Variants in PLCB4 observed in about 807,000 individuals in gnomAD.
PLCB4 encodes the protein 1-phosphatidylinositol 4,5-bisphosphate phosphodiesterase beta-4.
PLCB4 carries 77 observed loss-of-function variants against 178.8 expected under a neutral mutation model. That is an observed-to-expected ratio of 0.43 (90% CI 0.36 to 0.52). The LOEUF (loss-of-function observed/expected upper bound fraction) is 0.52. Among genes scored for constraint, PLCB4 ranks in the 20% least tolerant of loss-of-function variants. The pLI is 0.00. For synonymous variants in PLCB4, 496 were observed against 490.8 expected (o/e 1.01, Z -0.14); for missense variants, 1,024 against 1,453.4 (o/e 0.70, Z 4.80).
chr20:9,458,323 C>G (rs547472084), intron 34 of PLCB4, among the ~76,000 whole-genome samples: 2 of 152,286 alleles, frequency 1.3e-5, no homozygotes, highest in East Asian at 1.9e-4. Context: ...GAGTTATTCC[C>G]CACTCTCTCT....
chr20:9,229,258 T>G (rs986871221), intron 3 of PLCB4, among the ~76,000 whole-genome samples: 11 of 152,186 alleles, frequency 7.2e-5, no homozygotes, highest in Admixed American at 7.2e-4. Flanking sequence ...GTGGAAGGAC[T>G]AGCAACACTA....
At chr20:9,081,768 C>CAAAAAAAAAAA (rs10629831) in intron 1 of PLCB4, among the ~76,000 whole-genome samples, 6 of 90,460 alleles carry the variant, frequency 6.6e-5, no homozygotes, top group Admixed American at 1.4e-4. Flanking sequence ...GATGATTAAG[C>CAAAAAAAAAAA]AAAAAAAAAA....
chr20:9,118,348 A>T (rs6516436), intron 2 of PLCB4, among the ~76,000 whole-genome samples: 92,136 of 149,032 alleles, frequency 0.62, 29,538 homozygotes, highest in Middle Eastern at 0.77. Flanking sequence ...AGAACAGAGC[A>T]ACGGTAAGTG....
intron 28 of PLCB4, among the ~76,000 whole-genome samples, chr20:9,428,499 A>G (rs539496326): frequency 1.3e-5 from 2 of 151,862 alleles, no homozygotes; most frequent in Admixed American, 6.5e-5. Context: ...GCATTTCCCA[A>G]TCTTATTTGA....
At chr20:9,366,144 C>G (rs1451852969) in intron 9 of PLCB4, among the ~76,000 whole-genome samples, 1 of 152,056 alleles carries the variant, frequency 6.6e-6, no homozygotes, top group Non-Finnish European at 1.5e-5. Context: ...AATCCCAGCA[C>G]TTTGGGAGGC....
At chr20:9,237,209 A>T (rs1020935959) in intron 3 of PLCB4, among the ~76,000 whole-genome samples, 1 of 152,164 alleles carries the variant, frequency 6.6e-6, no homozygotes, top group Non-Finnish European at 1.5e-5. Context: ...TATGTAGGAT[A>T]CCCATATCAC....
intron 3 of PLCB4, among the ~76,000 whole-genome samples, chr20:9,264,052 T>C (rs1321840673): frequency 6.6e-6 from 1 of 152,220 alleles, no homozygotes; most frequent in East Asian, 1.9e-4. Flanking sequence ...CTTTGTGGGC[T>C]AAATAACAAG....
Position 9,363,609 on chromosome 20 carries a change from T to C in PLCB4, c.449+634T>C, listed in dbSNP as rs574614870. Among the ~76,000 whole-genome samples, 9 of 152,206 alleles carry C rather than the reference T, an allele frequency of 5.9e-5. No homozygotes were observed. In the South Asian group the frequency reaches 1.0e-3, roughly 18 times the overall value. On this transcript the variant is annotated intron_variant, in intron 8 of 39. Transcript: ENST00000378473. The stretch of plus-strand genomic sequence containing the variant: ...TCCAGAGGAGTACTACAGTGGTAGA[T>C]TTAAACCCTACCCAAGTTAACCTTT...
At chr20:9,464,289 G>A (rs943069050) in intron 35 of PLCB4, among the ~76,000 whole-genome samples, 1 of 152,138 alleles carries the variant, frequency 6.6e-6, no homozygotes, top group African/African-American at 2.4e-5. Context: ...AGTGTGTAGA[G>A]GGAAATTTAT....
chr20:9,187,084 C>A (rs6039406), intron 2 of PLCB4, among the ~76,000 whole-genome samples: 6,053 of 152,196 alleles, frequency 0.04, 413 homozygotes, highest in African/African-American at 0.14. Flanking sequence ...AGGCGATTCT[C>A]CTGCCTCAGC....
chr20:9,089,551 T>G lies in PLCB4; in HGVS notation c.-134-6736T>G, dbSNP rs954496519. ...TTGGTCTTTTCATGGTAGAACTTCC[T>G]TTGATCTATATTTAATCAGCTCACT... On this transcript the variant is annotated intron_variant, in intron 1 of 39. Transcript: ENST00000378473. 2.0e-4 allele frequency among the ~76,000 whole-genome samples: 31 copies of G among 152,286 alleles called. No homozygotes were observed. The South Asian group carries it at 3.1e-3, about 15-fold the overall frequency.
At chr20:9,072,317 C>T (rs986766187) in intron 1 of PLCB4, among the ~76,000 whole-genome samples, 1 of 151,874 alleles carries the variant, frequency 6.6e-6, no homozygotes, top group Non-Finnish European at 1.5e-5. Context: ...TCTTCTATTC[C>T]TTAGTATTTG....
intron 2 of PLCB4, among the ~76,000 whole-genome samples, chr20:9,184,945 G>T (rs2147108390): frequency 6.6e-6 from 1 of 152,254 alleles, no homozygotes; most frequent in Admixed American, 6.5e-5. Context: ...TTCAGACAGG[G>T]TCTCACTCTG....
chr20:9,379,561 GA>G (rs745840925), intron 12 of PLCB4, among the ~76,000 whole-genome samples: 86 of 152,280 alleles, frequency 5.6e-4, no homozygotes, highest in Non-Finnish European at 1.1e-3. Flanking sequence ...AAGGTGTTAT[GA>G]AAAAGAGATG....
chr20:9,398,466 C>T (rs562479715), intron 19 of PLCB4, among the ~76,000 whole-genome samples: 11 of 152,224 alleles, frequency 7.2e-5, no homozygotes, highest in Non-Finnish European at 1.6e-4. Flanking sequence ...AAAAAGATGA[C>T]TATTCAGTAA....
At chr20:9,240,950 G>T (rs138101446) in intron 3 of PLCB4, among the ~76,000 whole-genome samples, 2 of 152,090 alleles carry the variant, frequency 1.3e-5, no homozygotes, top group Admixed American at 6.6e-5. Context: ...TGGTAGCAGA[G>T]ATCTCAATTG....
chr20:9,279,174 C>G (rs2094473857), intron 3 of PLCB4, among the ~76,000 whole-genome samples: 1 of 152,006 alleles, frequency 6.6e-6, no homozygotes, highest in African/African-American at 2.4e-5. Context: ...AAAGTTAAAC[C>G]TAAAATTAAA....
intron 2 of PLCB4, among the ~76,000 whole-genome samples, chr20:9,202,964 G>A (rs1285811917): frequency 2.7e-5 from 4 of 149,150 alleles, no homozygotes; most frequent in Admixed American, 1.3e-4. Context: ...CTGCTGTATC[G>A]CACTGTGTTG....
intron 1 of PLCB4, among the ~76,000 whole-genome samples, chr20:9,092,909 C>T (rs1009872454): frequency 6.6e-6 from 1 of 152,072 alleles, no homozygotes; most frequent in African/African-American, 2.4e-5. Flanking sequence ...TCCCTAGCTG[C>T]CATAGTATCT....
Sources: gnomAD v4.1 joint callset for allele counts (sites outside exome capture counted in the v4.1 genomes callset) on GRCh38, gnomAD v4.1.1 for gene constraint, MANE v1.5 for transcripts, NCBI Gene and HGNC (gene_info 2026-07-23, HGNC 2026-07-21) for gene names.